COPB1: variants seen among roughly 807,000 people sequenced by gnomAD.
COPB1 encodes the protein coatomer subunit beta.
A neutral mutation model predicts 108.7 loss-of-function variants in COPB1; 21 were observed. The observed-to-expected ratio is 0.19, with a 90% CI of 0.14 to 0.28. The LOEUF is 0.28. COPB1 is among the 10% of genes least tolerant of loss of function. COPB1 has a pLI of 1.00. For missense variants in COPB1, 919 were observed against 1,141.3 expected (o/e 0.81, Z 2.81); for synonymous variants, 378 against 386.8 (o/e 0.98, Z 0.27).
chr11:14,497,195 A>G (rs760826330), intron 2 of COPB1, among the ~76,000 whole-genome samples: 6 of 152,168 alleles, frequency 3.9e-5, no homozygotes, highest in Non-Finnish European at 8.8e-5. Context: ...AAATGGGATC[A>G]CATCAAGTTA....
At chr11:14,460,482 G>A (rs1850120919) in intron 19 of COPB1, among the ~76,000 whole-genome samples, 185 bp from the exon 20 acceptor site, 2 of 151,728 alleles carry the variant, frequency 1.3e-5, no homozygotes, top group Non-Finnish European at 2.9e-5. Context: ...TCCCAATAGA[G>A]ATAACTTCAC....
intron 14 of COPB1, among the ~76,000 whole-genome samples, chr11:14,470,747 T>C (rs796590957): frequency 8.6e-5 from 13 of 151,534 alleles, no homozygotes; most frequent in African/African-American, 3.1e-4. Flanking sequence ...TGACTGAAAA[T>C]TTCCCAAACT....
intron 18 of COPB1, among the ~76,000 whole-genome samples, chr11:14,463,344 G>A (rs969071837): frequency 6.6e-6 from 1 of 152,120 alleles, no homozygotes; most frequent in Admixed American, 6.5e-5. Context: ...TTGAGACAGA[G>A]TCTCACTCTG....
At chr11:14,481,768 C>T (rs1850665421) in intron 8 of COPB1, among the ~76,000 whole-genome samples, 1 of 152,116 alleles carries the variant, frequency 6.6e-6, no homozygotes, top group Non-Finnish European at 1.5e-5. Context: ...CTACATTCAC[C>T]AGTTAATATC....
intron 18 of COPB1, 152 bp from the exon 19 acceptor site, chr11:14,461,483 A>G (rs1201820093): frequency 8.3e-6 from 6 of 722,916 alleles, no homozygotes; most frequent in East Asian, 2.9e-5. Flanking sequence ...TACATGCTTT[A>G]TAAATATTAC....
Position 14,486,463 on chromosome 11 carries a change from G to A in COPB1, c.741C>T (p.Arg247=). 6.2e-7 allele frequency: 1 copy of A among 1,614,036 alleles called. No homozygotes were observed. Among genetic ancestry groups the A allele is most frequent in the Non-Finnish European group, 8.5e-7 (1 of 1,179,992 alleles). Residue 247 remains arginine (R), a synonymous_variant, in exon 7 of 22, where the codon CGC becomes CGT. Coordinates refer to ENST00000439561, the MANE Select transcript of COPB1 (RefSeq NM_001144061.2). ...ATGACTGTAATAAGTTATAGATGCA[G>A]CGAATAAAACGAGCTCTTTCTGATG... ...ANPSERARFI[R]CIYNLLQSSS... is the part of the protein sequence containing the mutation.
chr11:14,483,261 C>T (rs914407501), intron 7 of COPB1, 110 bp from the exon 8 acceptor site: 108 of 602,222 alleles, frequency 1.8e-4, no homozygotes, highest in Non-Finnish European at 6.6e-5. Flanking sequence ...CACACACACT[C>T]CCATGAAGCC....
chr11:14,472,342 A>G (rs2134104516), intron 14 of COPB1, among the ~76,000 whole-genome samples: 1 of 152,380 alleles, frequency 6.6e-6, no homozygotes, highest in East Asian at 1.9e-4. Flanking sequence ...GTAGGTCTCA[A>G]TGGTGAGCTT....
intron 6 of COPB1, among the ~76,000 whole-genome samples, chr11:14,486,989 AAGGGAAACATGACGGATG>A (rs912502299): frequency 5.3e-5 from 8 of 152,226 alleles, no homozygotes; most frequent in African/African-American, 1.4e-4. Flanking sequence ...CTGGATGCCA[AAGGGAAACATGACGGATG>A]ATATAAATCT....
intron 4 of COPB1, among the ~76,000 whole-genome samples, chr11:14,491,961 G>T (rs1188815805): frequency 6.6e-6 from 1 of 152,128 alleles, no homozygotes; most frequent in African/African-American, 2.4e-5. Flanking sequence ...GTACAGAGAA[G>T]AGTGAACACT....
chr11:14,481,729 C>A (rs796584031), intron 8 of COPB1, among the ~76,000 whole-genome samples: 10 of 152,342 alleles, frequency 6.6e-5, no homozygotes, highest in African/African-American at 2.4e-4. Context: ...TAAAAAAGTT[C>A]TAAGAGTGAA....
At position 14,486,418 on chromosome 11, in the gene COPB1, A is replaced by G; in HGVS notation, c.786T>C (p.Tyr262=). Reference sequence around the variant, plus strand: ...GTGTCACTAATGTCCCAGCAGCTTCATATTTTACAGCAGGGCTGGATGACT... The same window carrying G: ...GTGTCACTAATGTCCCAGCAGCTTCGTATTTTACAGCAGGGCTGGATGACT... The part of the protein sequence containing the change: ...LLQSSSPAVK[Y]EAAGTLVTLS... Residue 262 remains tyrosine (Y), a synonymous_variant, in exon 7 of 22, where the codon TAT becomes TAC. Coordinates refer to ENST00000439561, the MANE Select transcript of COPB1 (RefSeq NM_001144061.2). 1.2e-6 allele frequency: 2 copies of G among 1,614,182 alleles called. No individual in the cohort carries two copies. Among genetic ancestry groups the G allele is most frequent in the Non-Finnish European group, 1.7e-6 (2 of 1,180,030 alleles).
Position 14,494,285 on chromosome 11 carries a change from C to A in COPB1, c.246G>T (p.Trp82Cys). ...HTIKKLLLVF[W>C]EIVPKTTPDG... is the part of the protein sequence containing the mutation. ...CTGGAGTTGTTTTAGGAACAATTTC[C>A]CAAAATACCAGAAGTAATTTCTTGA... Residue 82 changes from tryptophan (W) to cysteine (C), a missense_variant, in exon 3 of 22, where the codon TGG (tryptophan) becomes TGT (cysteine). Coordinates refer to ENST00000439561, the MANE Select transcript of COPB1 (RefSeq NM_001144061.2). 1 of 1,613,698 alleles carries A rather than the reference C, an allele frequency of 6.2e-7. No individual in the cohort carries two copies. Among genetic ancestry groups the A allele is most frequent in the Non-Finnish European group, 8.5e-7 (1 of 1,179,828 alleles).
intron 14 of COPB1, among the ~76,000 whole-genome samples, chr11:14,469,962 G>A (rs537605461): frequency 6.6e-6 from 1 of 152,006 alleles, no homozygotes; most frequent in South Asian, 2.1e-4. Flanking sequence ...TTTTTTGGCT[G>A]ACATGTGAAA....
intron 6 of COPB1, among the ~76,000 whole-genome samples, chr11:14,488,091 T>C (rs996547140): frequency 1.3e-5 from 2 of 152,238 alleles, no homozygotes; most frequent in African/African-American, 4.8e-5. Flanking sequence ...AGTTTTTCTA[T>C]TCTCTTTTAC....
rs1477090618 is a variant in COPB1, at chr11:14,480,974, C to CA, written c.1065+15dup. ...GGGCCTGATAGCTACAAAGTGCTGT[C>CA]AGAGTTTCCTTTTACCTCTTCAACA... On this transcript the variant is annotated intron_variant, in intron 9 of 21. Transcript: ENST00000439561. 4 of 1,612,844 alleles carry CA rather than the reference C, an allele frequency of 2.5e-6. No homozygotes were observed. The highest frequency in any genetic ancestry group is 1.3e-5 in the African/African-American group (1 of 74,860).
chr11:14,492,781 A>C (rs1196689709), intron 4 of COPB1, among the ~76,000 whole-genome samples: 1 of 152,202 alleles, frequency 6.6e-6, no homozygotes, highest in Non-Finnish European at 1.5e-5. Context: ...GTCCTTAATA[A>C]ATTGATACCT....
At chr11:14,462,792 T>C (rs1414368674) in intron 18 of COPB1, among the ~76,000 whole-genome samples, 1 of 148,956 alleles carries the variant, frequency 6.7e-6, no homozygotes, top group Non-Finnish European at 1.5e-5. Flanking sequence ...CTTATGTCTT[T>C]ACTTTCCCAT....
chr11:14,479,521 T>C, intron 11 of COPB1, 48 bp downstream of exon 11: 2 of 1,542,026 alleles, frequency 1.3e-6, no homozygotes, highest in Non-Finnish European at 1.8e-6. Flanking sequence ...AGATAAAAAC[T>C]GATAAAATGC....
Sources: gnomAD v4.1 joint callset for allele counts (sites outside exome capture counted in the v4.1 genomes callset) on GRCh38, gnomAD v4.1.1 for gene constraint, MANE v1.5 for transcripts, NCBI Gene and HGNC (gene_info 2026-07-23, HGNC 2026-07-21) for gene names.